SBF2: variants seen among roughly 807,000 people sequenced by gnomAD.
The protein encoded by SBF2 is myotubularin-related protein 13.
In SBF2, 112 loss-of-function variants were observed where a neutral mutation model predicts 225.2. The observed-to-expected ratio is 0.50, with a 90% CI of 0.43 to 0.58. The LOEUF is 0.58. SBF2 is among the 20% of genes least tolerant of loss of function. The probability of loss-of-function intolerance (pLI) is 0.00; values close to 1 mark genes in which losing one functional copy is unlikely to be tolerated. For missense variants in SBF2, 1,996 were observed against 2,206.2 expected (o/e 0.90, Z 1.91); for synonymous variants, 763 against 773.3 (o/e 0.99, Z 0.22).
chr11:10,110,503 A>G (rs1324671183), intron 2 of SBF2, among the ~76,000 whole-genome samples: 1 of 152,178 alleles, frequency 6.6e-6, no homozygotes, highest in African/African-American at 2.4e-5. Flanking sequence ...ATAAACTTCT[A>G]TGCACAAAGA....
chr11:9,982,577 G>C (rs953765640), intron 13 of SBF2, among the ~76,000 whole-genome samples: 11 of 152,300 alleles, frequency 7.2e-5, no homozygotes, highest in South Asian at 6.2e-4. Flanking sequence ...AGTGGATCAT[G>C]GCAGATGGGA....
intron 6 of SBF2, among the ~76,000 whole-genome samples, chr11:10,010,613 C>T (rs113948410): frequency 6.4e-4 from 98 of 152,232 alleles, no homozygotes; most frequent in African/African-American, 2.3e-3. Context: ...GTTTTGGTAC[C>T]AGTACCATGC....
chr11:10,164,790 C>T (rs547317698), intron 2 of SBF2, among the ~76,000 whole-genome samples: 3 of 149,822 alleles, frequency 2.0e-5, no homozygotes, highest in South Asian at 2.1e-4. Context: ...GTTATCTATA[C>T]ACCCATACCA....
chr11:10,004,743 A>C (rs551012971), intron 6 of SBF2, among the ~76,000 whole-genome samples: 3 of 152,158 alleles, frequency 2.0e-5, no homozygotes, highest in Non-Finnish European at 4.4e-5. Flanking sequence ...TGTTTCACTA[A>C]GCCAGACTAA....
chr11:9,844,112 C>G (rs998569353), intron 24 of SBF2, among the ~76,000 whole-genome samples: 2 of 152,148 alleles, frequency 1.3e-5, no homozygotes, highest in Non-Finnish European at 2.9e-5. Context: ...CCATTGAAGG[C>G]TGAGATAACA....
intron 2 of SBF2, among the ~76,000 whole-genome samples, chr11:10,177,965 A>G (rs1956545942): frequency 6.7e-6 from 1 of 148,934 alleles, no homozygotes; most frequent in African/African-American, 2.5e-5. Flanking sequence ...ACAGTAACCA[A>G]AACAGCATGG....
chr11:10,254,884 GAGTGAGACTCTGTCTCAAAAAAAAAA>G (rs1565405244), intron 1 of SBF2, among the ~76,000 whole-genome samples: 4 of 88,852 alleles, frequency 4.5e-5, no homozygotes, highest in Non-Finnish European at 8.4e-5. Flanking sequence ...CTGGGTGACA[GAGTGAGACTCTGTCTCAAAAAAAAAA>G]AAAAAAAAAA....
intron 1 of SBF2, among the ~76,000 whole-genome samples, chr11:10,301,390 C>T (rs1200295157): frequency 6.6e-6 from 1 of 152,156 alleles, no homozygotes; most frequent in Non-Finnish European, 1.5e-5. Context: ...TGCTTTACTT[C>T]TCCTTGTAAG....
chr11:9,793,248 A>G (rs573624462), intron 33 of SBF2, among the ~76,000 whole-genome samples: 12 of 152,130 alleles, frequency 7.9e-5, no homozygotes, highest in African/African-American at 2.6e-4. Flanking sequence ...AGTTTTTCAG[A>G]TGAGAAAACT....
intron 25 of SBF2, among the ~76,000 whole-genome samples, chr11:9,841,038 A>C (rs1856099361): frequency 6.6e-6 from 1 of 152,148 alleles, no homozygotes; most frequent in Non-Finnish European, 1.5e-5. Flanking sequence ...ACATCAAATC[A>C]AGCTTTCAAA....
chr11:10,283,997 T>C (rs1963582163), intron 1 of SBF2, among the ~76,000 whole-genome samples: 1 of 152,212 alleles, frequency 6.6e-6, no homozygotes, highest in Non-Finnish European at 1.5e-5. Flanking sequence ...TATGTTTTTC[T>C]AAAATTTTAT....
intron 2 of SBF2, among the ~76,000 whole-genome samples, chr11:10,055,939 A>C (rs1950242668): frequency 6.6e-6 from 1 of 152,242 alleles, no homozygotes; most frequent in Admixed American, 6.5e-5. Flanking sequence ...AAATAAAAAA[A>C]TTTAAAATGA....
intron 2 of SBF2, among the ~76,000 whole-genome samples, chr11:10,093,505 T>A (rs561096390): frequency 6.6e-6 from 1 of 152,164 alleles, no homozygotes; most frequent in African/African-American, 2.4e-5. Context: ...TCTTAAGACA[T>A]CCTTGGTAAT....
At chr11:9,851,737 G>A (rs541818473) in intron 21 of SBF2, among the ~76,000 whole-genome samples, 1 of 151,986 alleles carries the variant, frequency 6.6e-6, no homozygotes, top group Admixed American at 6.6e-5. Context: ...CCTGCCTTCC[G>A]CTCACTCCTT....
chr11:9,803,629 C>A lies in SBF2; in HGVS notation c.4443+4371G>T, dbSNP rs11821145. On this transcript the variant is annotated intron_variant, in intron 32 of 39. Transcript: ENST00000256190. ...GATTGTGAGTGGATTATTTCGCTGA[C>A]CCTAATGTTTAGGTGTGCAGAATTC... Among the ~76,000 whole-genome samples the A allele has an allele frequency of 9.7e-3, 1,480 of 152,262 alleles. 30 individuals are homozygous for A. The highest frequency in any genetic ancestry group is 0.033 in the African/African-American group (1,383 of 41,520).
At chr11:10,036,768 T>C (rs1397351679) in intron 3 of SBF2, among the ~76,000 whole-genome samples, 1 of 152,192 alleles carries the variant, frequency 6.6e-6, no homozygotes. Context: ...ACATATTAGT[T>C]AAAATAAGCT....
intron 2 of SBF2, among the ~76,000 whole-genome samples, chr11:10,047,322 T>C (rs928403665): frequency 3.3e-5 from 5 of 152,092 alleles, no homozygotes; most frequent in Non-Finnish European, 7.4e-5. Context: ...CAATACAATA[T>C]TGGAGAAAAA....
At chr11:10,050,427 G>A (rs1005045030) in intron 2 of SBF2, among the ~76,000 whole-genome samples, 7 of 151,994 alleles carry the variant, frequency 4.6e-5, no homozygotes, top group African/African-American at 1.7e-4. Flanking sequence ...TATGTATATG[G>A]AACCCTATAT....
At chr11:10,159,717 C>T (rs552152849) in intron 2 of SBF2, among the ~76,000 whole-genome samples, 2 of 152,194 alleles carry the variant, frequency 1.3e-5, no homozygotes, top group Admixed American at 6.5e-5. Flanking sequence ...AGTGAAACCC[C>T]GTCTCTACTA....
Sources: gnomAD v4.1 joint callset for allele counts (sites outside exome capture counted in the v4.1 genomes callset) on GRCh38, gnomAD v4.1.1 for gene constraint, MANE v1.5 for transcripts, NCBI Gene and HGNC (gene_info 2026-07-23, HGNC 2026-07-21) for gene names.